Variants in ATG10 observed in about 807,000 individuals in gnomAD.
The protein encoded by ATG10 is ubiquitin-like-conjugating enzyme ATG10.
In ATG10, 30 loss-of-function variants were observed where a neutral mutation model predicts 32.1. That is an observed-to-expected ratio of 0.94 (90% CI 0.70 to 1.27). The LOEUF (loss-of-function observed/expected upper bound fraction) is 1.27. ATG10 is among the 50% of genes most tolerant of loss of function. ATG10 has a pLI of 0.00. For missense variants in ATG10, 233 were observed against 262.3 expected, an observed-to-expected ratio of 0.89 and a Z score of 0.77; for synonymous variants, 87 against 91.5, an observed-to-expected ratio of 0.95 and a Z score of 0.28.
chr5:82,169,819 T>C (rs1020902941), intron 4 of ATG10, among the ~76,000 whole-genome samples: 3 of 152,296 alleles, frequency 2.0e-5, no homozygotes, highest in African/African-American at 7.2e-5. Context: ...GTTATCTAAC[T>C]AATACAAATA....
intron 2 of ATG10, among the ~76,000 whole-genome samples, chr5:81,993,332 C>CTTTCTTTCTTTCTTTCTTTCTTTCTTTCT (rs1211917788): frequency 1.2e-5 from 1 of 86,042 alleles, no homozygotes; most frequent in African/African-American, 6.1e-5. Context: ...TCTTTCCTTC[C>CTTTCTTTCTTTCTTTCTTTCTTTCTTTCT]TTCCTTCTTT....
At chr5:82,041,971 T>C (rs1209294635) in intron 2 of ATG10, among the ~76,000 whole-genome samples, 1 of 152,206 alleles carries the variant, frequency 6.6e-6, no homozygotes, top group Non-Finnish European at 1.5e-5. Flanking sequence ...TAATATCTTC[T>C]ATTTTTCTGC....
intron 5 of ATG10, among the ~76,000 whole-genome samples, chr5:82,215,422 G>A (rs1283462847): frequency 1.3e-5 from 2 of 152,142 alleles, no homozygotes; most frequent in African/African-American, 2.4e-5. Context: ...CAGCCCATAC[G>A]CAAGGGGACA....
At chr5:82,248,968 C>T (rs1747137951) in intron 5 of ATG10, among the ~76,000 whole-genome samples, 1 of 151,788 alleles carries the variant, frequency 6.6e-6, no homozygotes, top group East Asian at 1.9e-4. Context: ...GATGGCCAAA[C>T]CTGCATTAAA....
intron 5 of ATG10, among the ~76,000 whole-genome samples, chr5:82,238,799 G>A (rs1369808368): frequency 1.3e-5 from 2 of 152,158 alleles, no homozygotes; most frequent in African/African-American, 2.4e-5. Flanking sequence ...TGGGAGTAAA[G>A]TAGGAAGGCA....
At chr5:82,033,921 AT>A (rs1190007056) in intron 2 of ATG10, among the ~76,000 whole-genome samples, 1 of 148,828 alleles carries the variant, frequency 6.7e-6, no homozygotes, top group African/African-American at 2.5e-5. Context: ...TATATATACT[AT>A]ATGTGTATAT....
intron 2 of ATG10, among the ~76,000 whole-genome samples, chr5:82,016,461 A>G (rs1049217931): frequency 1.3e-5 from 2 of 152,062 alleles, no homozygotes; most frequent in Admixed American, 6.6e-5. Flanking sequence ...TACGAGTTCC[A>G]TGCTGTTTTG....
chr5:82,075,327 T>A (rs1425756301), intron 3 of ATG10, among the ~76,000 whole-genome samples: 1 of 152,170 alleles, frequency 6.6e-6, no homozygotes, highest in Non-Finnish European at 1.5e-5. Context: ...TTTCAGTGCC[T>A]GAAACATGTA....
intron 3 of ATG10, among the ~76,000 whole-genome samples, chr5:82,156,588 A>G (rs771322476): frequency 1.5e-4 from 23 of 152,204 alleles, no homozygotes; most frequent in African/African-American, 2.4e-4. Flanking sequence ...ATGTACATCA[A>G]TAGGCTTAGA....
intron 4 of ATG10, among the ~76,000 whole-genome samples, chr5:82,176,150 A>G (rs141673357): frequency 1.1e-3 from 167 of 152,362 alleles, no homozygotes; most frequent in African/African-American, 3.9e-3. Flanking sequence ...ATTCTTCTCT[A>G]GGTCTGAAAA....
chr5:82,179,557 C>G (rs1343634255), intron 5 of ATG10, among the ~76,000 whole-genome samples: 1 of 151,984 alleles, frequency 6.6e-6, no homozygotes, highest in African/African-American at 2.4e-5. Flanking sequence ...AGTAGATTTG[C>G]AAAAGTAAAG....
At chr5:82,190,333 T>C (rs1744607080) in intron 5 of ATG10, among the ~76,000 whole-genome samples, 1 of 151,840 alleles carries the variant, frequency 6.6e-6, no homozygotes, top group Non-Finnish European at 1.5e-5. Context: ...TATATAGCTT[T>C]ATCTATAATG....
At chr5:82,072,198 A>G (rs965451719) in intron 3 of ATG10, among the ~76,000 whole-genome samples, 3 of 152,170 alleles carry the variant, frequency 2.0e-5, no homozygotes, top group Non-Finnish European at 2.9e-5. Context: ...ACCAGATGGA[A>G]TCTGTAATTT....
chr5:82,053,752 G>A (rs1422378881), intron 2 of ATG10, among the ~76,000 whole-genome samples: 1 of 152,112 alleles, frequency 6.6e-6, no homozygotes, highest in Non-Finnish European at 1.5e-5. Context: ...ATCATGCTTT[G>A]TGGTGAATGG....
intron 2 of ATG10, among the ~76,000 whole-genome samples, chr5:82,041,811 T>C (rs1161338784): frequency 6.6e-6 from 1 of 152,146 alleles, no homozygotes; most frequent in Non-Finnish European, 1.5e-5. Context: ...AGTTTTTTTT[T>C]TGGTCTGTTT....
intron 3 of ATG10, among the ~76,000 whole-genome samples, chr5:82,110,586 C>T (rs1443249632): frequency 6.6e-6 from 1 of 151,928 alleles, no homozygotes; most frequent in African/African-American, 2.4e-5. Context: ...CTGTTGGCTG[C>T]ATAAATGTCT....
intron 3 of ATG10, among the ~76,000 whole-genome samples, chr5:82,062,960 T>A (rs1763829924): frequency 6.6e-6 from 1 of 152,238 alleles, no homozygotes; most frequent in Non-Finnish European, 1.5e-5. Flanking sequence ...TGTTTATAAC[T>A]TTTATTTAGT....
At chr5:82,062,575 T>C (rs528246697) in intron 3 of ATG10, among the ~76,000 whole-genome samples, 1 of 152,240 alleles carries the variant, frequency 6.6e-6, no homozygotes, top group Non-Finnish European at 1.5e-5. Context: ...GTCACACTTA[T>C]AATTATCTTT....
At chr5:82,094,421 A>G (rs1764987189) in intron 3 of ATG10, among the ~76,000 whole-genome samples, 1 of 152,162 alleles carries the variant, frequency 6.6e-6, no homozygotes, top group Admixed American at 6.6e-5. Context: ...AATAACAAAT[A>G]ATAATGATAT....
Sources: gnomAD v4.1 joint callset for allele counts (sites outside exome capture counted in the v4.1 genomes callset) on GRCh38, gnomAD v4.1.1 for gene constraint, MANE v1.5 for transcripts, NCBI Gene and HGNC (gene_info 2026-07-23, HGNC 2026-07-21) for gene names.